BAX: variants seen among roughly 807,000 people sequenced by gnomAD.
The protein encoded by BAX is apoptosis regulator BAX.
Under a neutral mutation model 26.8 loss-of-function variants are expected in BAX, and 21 were observed. The observed-to-expected ratio is 0.78, with a 90% CI of 0.56 to 1.13. The LOEUF (loss-of-function observed/expected upper bound fraction) is 1.13, where lower values mean the gene tolerates loss of function less well. BAX is among the 50% of genes most tolerant of loss of function. BAX has a pLI of 0.00. For synonymous variants in BAX, 110 were observed against 101.8 expected, an observed-to-expected ratio of 1.08 and a Z score of -0.49; for missense variants, 236 against 254.6, an observed-to-expected ratio of 0.93 and a Z score of 0.50.
chr19:48,955,900 C>A (rs1805418), intron 3 of BAX, 67 bp downstream of exon 3: 1 of 1,493,900 alleles, frequency 6.7e-7, no homozygotes, highest in Non-Finnish European at 8.9e-7. Flanking sequence ...CTCTCAGCCC[C>A]GCATTCTCCT....
rs533928629 is a variant in BAX, at chr19:48,956,083, A to G, written c.234-115A>G. 9 of 1,357,756 alleles carry G rather than the reference A, an allele frequency of 6.6e-6. No homozygotes were observed. The African/African-American group carries it at 1.0e-4, about 16-fold the overall frequency. 84.1% of individuals were successfully genotyped at this position (1,357,756 alleles called of 1,614,324 possible). On this transcript the variant is annotated intron_variant, in intron 3 of 5. Coordinates refer to ENST00000345358, the MANE Select transcript of BAX (RefSeq NM_138761.4). Reference sequence around the variant, plus strand: ...GTCCCCCGTTGGCCTGTTGCTTTTCATTTCAGCCTGGCTTGGGGCTCAGTC... The same window carrying G: ...GTCCCCCGTTGGCCTGTTGCTTTTCGTTTCAGCCTGGCTTGGGGCTCAGTC...
chr19:48,956,174 C>G, intron 3 of BAX, 24 bp from the exon 4 acceptor site: 6 of 1,493,714 alleles, frequency 4.0e-6, no homozygotes, highest in Non-Finnish European at 5.4e-6. Context: ...TGCTCCCCGG[C>G]ACTGGTTCTC....
chr19:48,957,945 G>A (rs902434869), intron 4 of BAX, among the ~76,000 whole-genome samples: 1 of 152,048 alleles, frequency 6.6e-6, no homozygotes, highest in Non-Finnish European at 1.5e-5. Flanking sequence ...AATGTGGTGG[G>A]GGTGGTGGTG....
At position 48,958,540 on chromosome 19, in the gene BAX, C is replaced by CT. The variant is rs1273760589; in HGVS notation, c.369+2210dup. ...AAATGGGAGGGATATTTCTTTCTTT[C>CT]TTTCTTTTTTTTTTTTCCTGAGACG... On this transcript the variant is annotated intron_variant, in intron 4 of 5. Transcript: ENST00000345358. Among the ~76,000 whole-genome samples the CT allele has an allele frequency of 1.6e-4, 5 of 31,238 alleles. 1 individual carries two copies. Among genetic ancestry groups the CT allele is most frequent in the Admixed American group, 2.7e-4 (1 of 3,770 alleles). The allele number at this position is 31,238 out of a possible 152,430, so 20.5% of individuals were successfully genotyped here.
At chr19:48,956,077 C>A (rs2038117252) in intron 3 of BAX, 121 bp from the exon 4 acceptor site, 2 of 1,340,258 alleles carry the variant, frequency 1.5e-6, no homozygotes, top group Non-Finnish European at 2.0e-6. Flanking sequence ...TGGCCTGTTG[C>A]TTTTCATTTC....
chr19:48,955,666 C>T (rs769315668), intron 2 of BAX, 21 bp from the exon 3 acceptor site: 76 of 1,611,872 alleles, frequency 4.7e-5, no homozygotes, highest in Non-Finnish European at 6.0e-5. Context: ...ATTCTGCACC[C>T]TCACTCCATC....
At chr19:48,960,964 CCCCTGCCCCACCGT>C (rs763328495) in intron 5 of BAX, 50 bp downstream of exon 5, 46 of 1,612,798 alleles carry the variant, frequency 2.9e-5, no homozygotes, top group Admixed American at 5.0e-5. Context: ...CTCACCACCG[CCCCTGCCCCACCGT>C]CCCTGCCCCC....
chr19:48,955,493 C>G, intron 1 of BAX, 55 bp from the exon 2 acceptor site: 2 of 1,572,746 alleles, frequency 1.3e-6, no homozygotes, highest in Non-Finnish European at 1.7e-6. Context: ...CCACAGTCTC[C>G]TGATCCCCTA....
chr19:48,961,068 G>A, intron 5 of BAX, 154 bp downstream of exon 5: 3 of 1,606,762 alleles, frequency 1.9e-6, no homozygotes, highest in South Asian at 2.2e-5. Flanking sequence ...ATCAGATGTG[G>A]TCTATAATGC....
intron 4 of BAX, among the ~76,000 whole-genome samples, chr19:48,959,510 A>AT (rs1434024560): frequency 1.6e-4 from 17 of 104,948 alleles, no homozygotes; most frequent in African/African-American, 6.3e-4. Flanking sequence ...AATTTAAAAA[A>AT]TTAAAAAAAA....
intron 4 of BAX, among the ~76,000 whole-genome samples, chr19:48,957,037 TAAG>T (rs1440802336): frequency 6.6e-6 from 1 of 150,396 alleles, no homozygotes; most frequent in Non-Finnish European, 1.5e-5. Context: ...GCTAGAATGA[TAAG>T]AAGCATGCAG....
rs1323218674 is a variant in BAX at position 48,954,887 on chromosome 19, C to T, written c.-42C>T. The stretch of plus-strand genomic sequence containing the variant: ...ACGTGACCCGGGCGCGCTGCGGCCG[C>T]CCGCGCGGACCCGGCGAGAGGCGGC... On this transcript the variant is annotated 5_prime_UTR_variant, in exon 1 of 6. Transcript: ENST00000345358. 1 of 1,226,700 alleles carries T rather than the reference C, an allele frequency of 8.2e-7. No homozygotes were observed. The highest frequency in any genetic ancestry group is 3.2e-5 in the East Asian group (1 of 31,400). The allele number at this position is 1,226,700 out of a possible 1,614,324, so 76.0% of individuals were successfully genotyped here. A position where few individuals can be genotyped will look rare whatever the true frequency, so the allele number is the denominator to read the frequency against.
rs950323788 is a variant in BAX, at chr19:48,955,580, G to A, written c.67G>A (p.Gly23Arg). The A allele has an allele frequency of 6.2e-7, 1 of 1,613,910 alleles. No individual in the cohort carries two copies. The highest frequency in any genetic ancestry group is 2.2e-5 in the East Asian group (1 of 44,868). The stretch of plus-strand genomic sequence containing the variant: ...CAGCTCTGAGCAGATCATGAAGACA[G>A]GGGCCCTTTTGCTTCAGGGGTGAGT... Reference protein sequence around the residue: ...PTSSEQIMKTGALLLQGFIQD... With the variant: ...PTSSEQIMKTRALLLQGFIQD... Residue 23 changes from glycine to arginine, a missense_variant, in exon 2 of 6, where the codon GGG (glycine) becomes AGG (arginine). Transcript: ENST00000345358.
chr19:48,956,819 C>CTTTTTTTTT (rs56251427), intron 4 of BAX, among the ~76,000 whole-genome samples: 61 of 87,366 alleles, frequency 7.0e-4, no homozygotes, highest in African/African-American at 1.2e-3. Context: ...TTATCCCTGG[C>CTTTTTTTTT]TTTTTTTTTT....
At chr19:48,955,124 C>T in intron 1 of BAX, 162 bp downstream of exon 1, 1 of 854,372 alleles carries the variant, frequency 1.2e-6, no homozygotes, top group African/African-American at 1.7e-5. Context: ...CTCGGAGGTT[C>T]CTGGCTCTCT....
chr19:48,956,094 GCTTGGGGCTC>G, intron 3 of BAX, 94 bp from the exon 4 acceptor site: 1 of 1,379,500 alleles, frequency 7.2e-7, no homozygotes, highest in South Asian at 1.6e-5. Flanking sequence ...TTTCAGCCTG[GCTTGGGGCTC>G]AGTCTCCTTA....
Position 48,956,172 on chromosome 19 carries a change from G to A in BAX, c.234-26G>A, listed in dbSNP as rs376411979. 235 of 1,487,602 alleles carry A rather than the reference G, an allele frequency of 1.6e-4. 1 individual carries two copies. The African/African-American group carries it at 1.8e-3, about 11-fold the overall frequency. 92.2% of individuals were successfully genotyped at this position (1,487,602 alleles called of 1,614,324 possible). A position where few individuals can be genotyped will look rare whatever the true frequency, so the allele number is the denominator to read the frequency against. Reference sequence around the variant, plus strand: ...ACCATCAGCCTGATGCCTGCTCCCCGGCACTGGTTCTCCTCTCTCCTGCAG... The same window carrying A: ...ACCATCAGCCTGATGCCTGCTCCCCAGCACTGGTTCTCCTCTCTCCTGCAG... On this transcript the variant is annotated intron_variant, in intron 3 of 5. Transcript: ENST00000345358.
chr19:48,961,162 T>C, intron 5 of BAX: 2 of 1,530,332 alleles, frequency 1.3e-6, no homozygotes, highest in African/African-American at 1.4e-5. Context: ...TGACCTTGAC[T>C]TGATTAGTGC....
At chr19:48,958,653 C>T in intron 4 of BAX, among the ~76,000 whole-genome samples, 1 of 151,600 alleles carries the variant, frequency 6.6e-6, no homozygotes, top group Non-Finnish European at 1.5e-5. Context: ...AAGCGATTCT[C>T]TTGCCTCAGT....
Sources: gnomAD v4.1 joint callset for allele counts (sites outside exome capture counted in the v4.1 genomes callset) on GRCh38, gnomAD v4.1.1 for gene constraint, MANE v1.5 for transcripts, NCBI Gene and HGNC (gene_info 2026-07-23, HGNC 2026-07-21) for gene names.